CDH8: variants seen among roughly 807,000 people sequenced by gnomAD.
CDH8 encodes cadherin 8, also known as cadherin-8.
CDH8 carries 17 observed loss-of-function variants against 68.1 expected under a neutral mutation model. The observed-to-expected ratio is 0.25, with a 90% CI of 0.17 to 0.37. The LOEUF (loss-of-function observed/expected upper bound fraction) is 0.37. CDH8 is among the 10% of genes least tolerant of loss of function. The pLI, the probability that CDH8 is intolerant of heterozygous loss-of-function variation, is 1.00. For missense variants in CDH8, 763 were observed against 999.3 expected (o/e 0.76, Z 3.19); for synonymous variants, 372 against 365.1 (o/e 1.02, Z -0.21).
At chr16:61,824,595 AT>A (rs1962288608) in intron 5 of CDH8, among the ~76,000 whole-genome samples, 1 of 151,750 alleles carries the variant, frequency 6.6e-6, no homozygotes. Flanking sequence ...AGGAGTGTAA[AT>A]TTTGCAGCAA....
intron 10 of CDH8, chr16:61,693,000 A>G (rs937135628): frequency 1.3e-5 from 2 of 152,174 alleles, no homozygotes; most frequent in Non-Finnish European, 2.9e-5. Flanking sequence ...AAACACACAA[A>G]ATAAATTTGT....
intron 3 of CDH8, among the ~76,000 whole-genome samples, chr16:61,882,115 CTT>C (rs1363509389): frequency 6.6e-6 from 1 of 152,148 alleles, no homozygotes; most frequent in African/African-American, 2.4e-5. Context: ...CAATATAGCT[CTT>C]GTCTCTGAGG....
chr16:61,737,250 G>A (rs1014254902), intron 8 of CDH8, among the ~76,000 whole-genome samples: 5 of 152,108 alleles, frequency 3.3e-5, no homozygotes, highest in African/African-American at 1.2e-4. Flanking sequence ...AGCTATAAGA[G>A]AGAAAAATGA....
chr16:61,952,875 A>T (rs1403725302), intron 2 of CDH8, among the ~76,000 whole-genome samples: 1 of 152,160 alleles, frequency 6.6e-6, no homozygotes, highest in East Asian at 1.9e-4. Flanking sequence ...ATACAAAGAG[A>T]TGACTTAGAA....
At chr16:62,019,042 T>C (rs1902010335) in intron 2 of CDH8, among the ~76,000 whole-genome samples, 1 of 152,196 alleles carries the variant, frequency 6.6e-6, no homozygotes, top group Non-Finnish European at 1.5e-5. Context: ...GTTATTTACA[T>C]TATGCAAGAC....
At chr16:61,750,059 T>C (rs921251404) in intron 8 of CDH8, among the ~76,000 whole-genome samples, 1 of 152,080 alleles carries the variant, frequency 6.6e-6, no homozygotes, top group Non-Finnish European at 1.5e-5. Flanking sequence ...TTTGTCCCCC[T>C]GTCTCCCTCC....
intron 2 of CDH8, among the ~76,000 whole-genome samples, chr16:61,994,126 A>T (rs1965773248): frequency 6.6e-6 from 1 of 152,148 alleles, no homozygotes; most frequent in African/African-American, 2.4e-5. Flanking sequence ...ATAGTATTAC[A>T]TGTTCTACTG....
At chr16:61,895,075 T>C (rs1338338480) in intron 3 of CDH8, among the ~76,000 whole-genome samples, 1 of 152,156 alleles carries the variant, frequency 6.6e-6, no homozygotes, top group Admixed American at 6.5e-5. Flanking sequence ...CTGACATTTT[T>C]AAAGTGCTCA....
chr16:61,852,004 T>A (rs1185773588), intron 4 of CDH8, among the ~76,000 whole-genome samples: 5 of 152,030 alleles, frequency 3.3e-5, no homozygotes, highest in Non-Finnish European at 1.5e-5. Flanking sequence ...CAAGTCAAAC[T>A]CAGTTGTCTC....
intron 1 of CDH8, among the ~76,000 whole-genome samples, chr16:62,023,401 C>G (rs770759407): frequency 6.6e-6 from 1 of 152,116 alleles, no homozygotes; most frequent in Non-Finnish European, 1.5e-5. Context: ...ACAAGATAGT[C>G]AAGTTTTCTG....
intron 2 of CDH8, among the ~76,000 whole-genome samples, chr16:61,907,960 G>A (rs1448331498): frequency 1.3e-5 from 2 of 150,440 alleles, no homozygotes; most frequent in Non-Finnish European, 3.0e-5. Context: ...GGAGAATGGT[G>A]TGAACCCTGG....
intron 1 of CDH8, among the ~76,000 whole-genome samples, chr16:62,025,797 G>A (rs1902185359): frequency 6.6e-6 from 1 of 151,920 alleles, no homozygotes; most frequent in Non-Finnish European, 1.5e-5. Flanking sequence ...CACTTAGGAA[G>A]TACTCAGATA....
At chr16:61,958,416 T>A (rs1172421316) in intron 2 of CDH8, among the ~76,000 whole-genome samples, 1 of 152,140 alleles carries the variant, frequency 6.6e-6, no homozygotes, top group Non-Finnish European at 1.5e-5. Context: ...AAGAAAGCAA[T>A]ATTGTCACAT....
chr16:62,033,630 T>C (rs904643184), intron 1 of CDH8, among the ~76,000 whole-genome samples: 1 of 152,206 alleles, frequency 6.6e-6, no homozygotes, highest in Non-Finnish European at 1.5e-5. Flanking sequence ...AAAGTTTGAA[T>C]GACAGCATTA....
chr16:61,887,966 A>T (rs1963707137), intron 3 of CDH8, among the ~76,000 whole-genome samples: 2 of 152,154 alleles, frequency 1.3e-5, no homozygotes, highest in Non-Finnish European at 1.5e-5. Flanking sequence ...ATTAAGCTAA[A>T]CTGAAATTCT....
At chr16:61,849,290 G>A (rs1183739724) in intron 4 of CDH8, among the ~76,000 whole-genome samples, 1 of 151,638 alleles carries the variant, frequency 6.6e-6, no homozygotes, top group Non-Finnish European at 1.5e-5. Context: ...CTCCAAAAAT[G>A]TGGAAATCTA....
intron 8 of CDH8, among the ~76,000 whole-genome samples, chr16:61,746,101 A>G (rs1960014293): frequency 6.6e-6 from 1 of 152,082 alleles, no homozygotes; most frequent in African/African-American, 2.4e-5. Flanking sequence ...TTAGCTTTTC[A>G]GCTTCTTAGT....
chr16:61,925,356 C>T (rs1242729390), intron 2 of CDH8, among the ~76,000 whole-genome samples: 1 of 152,184 alleles, frequency 6.6e-6, no homozygotes, highest in Non-Finnish European at 1.5e-5. Flanking sequence ...AATCAAGATA[C>T]TCATTGTTTC....
intron 10 of CDH8, among the ~76,000 whole-genome samples, chr16:61,708,494 G>GA (rs944272553): frequency 4.6e-5 from 7 of 152,032 alleles, no homozygotes; most frequent in Admixed American, 3.9e-4. Context: ...ATTTTAGAAA[G>GA]AAAATGAAAA....
Sources: gnomAD v4.1 joint callset for allele counts (sites outside exome capture counted in the v4.1 genomes callset) on GRCh38, gnomAD v4.1.1 for gene constraint, MANE v1.5 for transcripts, NCBI Gene and HGNC (gene_info 2026-07-23, HGNC 2026-07-21) for gene names.